ZFHX2: variants seen among roughly 807,000 people sequenced by gnomAD.
The protein encoded by ZFHX2 is zinc finger homeobox protein 2.
Under a neutral mutation model 164.8 loss-of-function variants are expected in ZFHX2, and 75 were observed. The ratio of observed to expected loss-of-function variants is 0.46; its 90% confidence interval spans 0.38 to 0.55. The LOEUF (loss-of-function observed/expected upper bound fraction) is 0.55, where lower values mean the gene tolerates loss of function less well. ZFHX2 is among the 20% of genes least tolerant of loss of function. The pLI is 0.00. For synonymous variants in ZFHX2, 1,217 were observed against 1,351.4 expected, an observed-to-expected ratio of 0.90 and a Z score of 2.18; for missense variants, 2,933 against 3,308.0, an observed-to-expected ratio of 0.89 and a Z score of 2.78.
chr14:23,535,006 G>T lies in ZFHX2; in HGVS notation c.320C>A (p.Pro107His), dbSNP rs951092891. 1 of 1,536,114 alleles carries T rather than the reference G, an allele frequency of 6.5e-7. No homozygotes were observed. The highest frequency in any genetic ancestry group is 1.2e-5 in the South Asian group (1 of 84,056). ...EQEEEEEGLP[P>H]MDLSNHLFFT... is the part of the protein sequence containing the mutation. ...GAATAAGTGGTTGCTTAGGTCCATG[G>T]GAGGGAGCCCTTCTTCTTCCTCCTC... The change falls in exon 2 of 10, where the codon CCC (proline) becomes CAC (histidine). Residue 107 changes from proline to histidine, a missense_variant. Pro to His is a moderately conservative substitution (Grantham distance 77). Transcript: ENST00000419474. The surrounding 1 kb of genome is among the most constrained non-coding windows in gnomAD (Gnocchi z 4.5).
intron 1 of ZFHX2, among the ~76,000 whole-genome samples, chr14:23,539,131 G>A (rs1880514995): frequency 6.6e-6 from 1 of 152,148 alleles, no homozygotes; most frequent in South Asian, 2.1e-4. Flanking sequence ...CTCCCCTAAT[G>A]CACTGTTTCG....
rs186430542 is a variant in ZFHX2, at chr14:23,533,377, G to A, written c.1949C>T (p.Pro650Leu). Residue 650 changes from proline to leucine, a missense_variant, in exon 2 of 10, where the codon CCG (proline) becomes CTG (leucine). Pro to Leu is a moderately conservative substitution (Grantham distance 98, BLOSUM62 -3). Transcript: ENST00000419474. The surrounding 1 kb of genome is among the most constrained non-coding windows in gnomAD (Gnocchi z 4.8). ...LGQPQTPLAG[P>L]GLRPDKPLEA... Reference sequence around the variant, plus strand: ...CAGGGGCTTGTCTGGCCTCAGCCCCGGGCCAGCCAAGGGAGTCTGAGGCTG... The same window carrying A: ...CAGGGGCTTGTCTGGCCTCAGCCCCAGGCCAGCCAAGGGAGTCTGAGGCTG... 532 of 1,456,844 alleles carry A rather than the reference G, an allele frequency of 3.7e-4. 2 individuals are homozygous for A. The highest frequency in any genetic ancestry group is 1.9e-3 in the Admixed American group (76 of 39,066). The allele number at this position is 1,456,844 out of a possible 1,614,324, so 90.2% of individuals were successfully genotyped here.
Position 23,524,753 on chromosome 14 carries a change from C to A in ZFHX2, c.5189G>T (p.Gly1730Val). 1 of 1,536,426 alleles carries A rather than the reference C, an allele frequency of 6.5e-7. No homozygotes were observed. Among genetic ancestry groups the A allele is most frequent in the Non-Finnish European group, 8.7e-7 (1 of 1,146,944 alleles). The change falls in exon 9 of 10, where the codon GGG (glycine) becomes GTG (valine). Residue 1730 changes from glycine to valine, a missense_variant. Coordinates refer to ENST00000419474, the MANE Select transcript of ZFHX2 (RefSeq NM_033400.3). The surrounding 1 kb of genome is among the most constrained non-coding windows in gnomAD (Gnocchi z 5.6). ...EEEQGLEPPA[G>V]PEGPLPEPPD... ...AGGCTCTGGTAATGGGCCCTCAGGC[C>A]CTGCTGGAGGTTCAAGGCCCTGTTC... is the stretch of plus-strand genomic sequence containing the variant.
In ZFHX2 at chr14:23,525,376, G is replaced by A; in HGVS notation, c.4566C>T (p.Ser1522=). The change falls in exon 9 of 10, where the codon AGC becomes AGT. Residue 1522 remains serine, a synonymous_variant. Coordinates refer to ENST00000419474, the MANE Select transcript of ZFHX2 (RefSeq NM_033400.3). The surrounding 1 kb of genome is among the most constrained non-coding windows in gnomAD (Gnocchi z 5.9). ...LSRYAAQFRK[S]YDSLYPPLAE... is the part of the protein sequence containing the mutation. The stretch of plus-strand genomic sequence containing the variant: ...CAAGGGGCGGGTATAGGCTGTCATA[G>A]CTCTTTCGAAACTGAGCAGCATAAC... 1 of 1,536,134 alleles carries A rather than the reference G, an allele frequency of 6.5e-7. No individual in the cohort carries two copies. Among genetic ancestry groups the A allele is most frequent in the Non-Finnish European group, 8.7e-7 (1 of 1,146,908 alleles).
In ZFHX2 at chr14:23,535,359, C is replaced by A; in HGVS notation, c.-34G>T. ...GAGGAGTGCTGGGGGCTCATGTCAG[C>A]GTGACAGCCAGTACCCTGTAGGGAG... is the stretch of plus-strand genomic sequence containing the variant. On this transcript the variant is annotated 5_prime_UTR_variant, in exon 2 of 10. Transcript: ENST00000419474. The surrounding 1 kb of genome is among the most constrained non-coding windows in gnomAD (Gnocchi z 4.5). 1.4e-6 allele frequency: 2 copies of A among 1,439,568 alleles called. No individual in the cohort carries two copies. The highest frequency in any genetic ancestry group is 1.8e-6 in the Non-Finnish European group (2 of 1,099,052). The allele number at this position is 1,439,568 out of a possible 1,614,324, so 89.2% of individuals were successfully genotyped here. A position where few individuals can be genotyped will look rare whatever the true frequency, so the allele number is the denominator to read the frequency against.
rs1448403794 is a variant in ZFHX2, at chr14:23,525,942, G to A, written c.4000C>T (p.Arg1334Ter). Reference protein sequence around the residue: ...SPPPPPLDLHRFPAPLFTPPV... With the variant: ...SPPPPPLDLH Reference sequence around the variant, plus strand: ...GGGGTGAAGAGAGGGGCTGGGAATCGGTGCAGGTCCAAGGGAGGTGGGGGA... The same window carrying A: ...GGGGTGAAGAGAGGGGCTGGGAATCAGTGCAGGTCCAAGGGAGGTGGGGGA... Residue 1334 changes from arginine to a stop codon, truncating the protein, a stop_gained, in exon 9 of 10, where the codon CGA (arginine) becomes TGA (stop). Transcript: ENST00000419474. LOFTEE classifies it high-confidence loss of function. This position sits in a 1 kb window ranked among gnomAD's most constrained non-coding sequence, Gnocchi z 5.9. The A allele has an allele frequency of 5.4e-6, 8 of 1,478,330 alleles. No homozygotes were observed. The highest frequency in any genetic ancestry group is 1.4e-5 in the South Asian group (1 of 73,604). 91.6% of individuals were successfully genotyped at this position (1,478,330 alleles called of 1,614,324 possible).
chr14:23,544,512 G>A (rs1302272124), intron 1 of ZFHX2, among the ~76,000 whole-genome samples: 1 of 152,208 alleles, frequency 6.6e-6, no homozygotes, highest in East Asian at 1.9e-4. Flanking sequence ...GGTTGGTGAA[G>A]GTGCTTGTTC....
At position 23,527,654 on chromosome 14, in the gene ZFHX2, T is replaced by A; in HGVS notation, c.3085A>T (p.Ser1029Cys). The A allele has an allele frequency of 6.5e-7, 1 of 1,536,422 alleles. No homozygotes were observed. Among genetic ancestry groups the A allele is most frequent in the Non-Finnish European group, 8.7e-7 (1 of 1,146,958 alleles). ...VGRPALHFHL[S>C]HLHNVVPECV... is the part of the protein sequence containing the mutation. ...TCGGGCACCACGTTGTGAAGGTGGC[T>A]AAGGTGGAAGTGCAGGGCAGGCCGG... The change falls in exon 7 of 10, where the codon AGC becomes TGC. Residue 1029 changes from serine (S) to cysteine (C), a missense_variant. By Grantham distance (112) the Ser-to-Cys change is moderately radical (BLOSUM62 -1). Coordinates refer to ENST00000419474, the MANE Select transcript of ZFHX2 (RefSeq NM_033400.3).
In ZFHX2 at chr14:23,525,902, G is replaced by T. The variant is rs558237937; in HGVS notation, c.4040C>A (p.Pro1347His). 5.5e-6 allele frequency: 8 copies of T among 1,461,554 alleles called. No individual in the cohort carries two copies. Among genetic ancestry groups the T allele is most frequent in the Non-Finnish European group, 7.2e-6 (8 of 1,111,456 alleles). 90.5% of individuals were successfully genotyped at this position (1,461,554 alleles called of 1,614,324 possible). ...CAGTGATTCGGGCACCAGAGGGAAGGGGGGCAGGACTGGTGGGGTGAAGAG... is the reference window on the plus strand; with the variant it reads ...CAGTGATTCGGGCACCAGAGGGAAGTGGGGCAGGACTGGTGGGGTGAAGAG... ...APLFTPPVLPPFPLVPESLLK... is the reference protein window; with the variant it reads ...APLFTPPVLPHFPLVPESLLK... Residue 1347 changes from proline (P) to histidine (H), a missense_variant, in exon 9 of 10, where the codon CCC (proline) becomes CAC (histidine). Coordinates refer to ENST00000419474, the MANE Select transcript of ZFHX2 (RefSeq NM_033400.3). This position sits in a 1 kb window ranked among gnomAD's most constrained non-coding sequence, Gnocchi z 5.9.
rs1361661911 is a variant in ZFHX2 at position 23,524,021 on chromosome 14, G to A, written c.5921C>T (p.Ala1974Val). Residue 1974 changes from alanine (A) to valine (V), a missense_variant, in exon 9 of 10, where the codon GCT becomes GTT. Coordinates refer to ENST00000419474, the MANE Select transcript of ZFHX2 (RefSeq NM_033400.3). The surrounding 1 kb of genome is among the most constrained non-coding windows in gnomAD (Gnocchi z 5.6). ...TGGTAGGAAAGGCTGGGGCCCAGAA[G>A]CAAGCGTGGCAGTGGGGTAGGGAAA... The part of the protein sequence containing the change: ...PAFPYPTATL[A>V]SGPQPFLPPG... 3 of 1,515,760 alleles carry A rather than the reference G, an allele frequency of 2.0e-6. No homozygotes were observed. The highest frequency in any genetic ancestry group is 2.6e-6 in the Non-Finnish European group (3 of 1,135,816). 93.9% of individuals were successfully genotyped at this position (1,515,760 alleles called of 1,614,324 possible). A position where few individuals can be genotyped will look rare whatever the true frequency, so the allele number is the denominator to read the frequency against.
rs201138934 is a variant in ZFHX2 at position 23,524,480 on chromosome 14, G to A, written c.5462C>T (p.Ala1821Val). 3 of 1,531,770 alleles carry A rather than the reference G, an allele frequency of 2.0e-6. No individual in the cohort carries two copies. The highest frequency in any genetic ancestry group is 3.9e-5 in the Admixed American group (2 of 50,758). 94.9% of individuals were successfully genotyped at this position (1,531,770 alleles called of 1,614,324 possible). The change falls in exon 9 of 10, where the codon GCC becomes GTC. Residue 1821 changes from alanine (A) to valine (V), a missense_variant. Transcript: ENST00000419474. This position sits in a 1 kb window ranked among gnomAD's most constrained non-coding sequence, Gnocchi z 5.6. Reference sequence around the variant, plus strand: ...AGGTGGACCTGGCATTGGTGAGGTGGCTGCCACCAGGGGGTTTCTCTCCCC... The same window carrying A: ...AGGTGGACCTGGCATTGGTGAGGTGACTGCCACCAGGGGGTTTCTCTCCCC... Reference protein sequence around the residue: ...VFGERNPLVAATSPMPGPPLK... With the variant: ...VFGERNPLVAVTSPMPGPPLK...
rs1399921941 is a variant in ZFHX2 at position 23,526,071 on chromosome 14, T to A, written c.3871A>T (p.Ser1291Cys). Residue 1291 changes from serine to cysteine, a missense_variant, in exon 9 of 10, where the codon AGC becomes TGC. Physicochemically the swap from Ser to Cys is moderately radical, Grantham distance 112. Transcript: ENST00000419474. ...TDSKIEGPER[S>C]QEEPKEGETE... Reference sequence around the variant, plus strand: ...TCGCCTTCCTTGGGCTCTTCTTGGCTGCGTTCTGGCCCTTCAATCTTGGAA... The same window carrying A: ...TCGCCTTCCTTGGGCTCTTCTTGGCAGCGTTCTGGCCCTTCAATCTTGGAA... 6.5e-7 allele frequency: 1 copy of A among 1,536,498 alleles called. No homozygotes were observed.
chr14:23,525,035 C>A lies in ZFHX2; in HGVS notation c.4907G>T (p.Ser1636Ile), dbSNP rs1396295413. 6.5e-7 allele frequency: 1 copy of A among 1,536,200 alleles called. No homozygotes were observed. The highest frequency in any genetic ancestry group is 2.0e-5 in the Admixed American group (1 of 51,010). ...CTGGAACCACACCACCACCACACGG[C>A]TAGCCAGACCCAACAGACTTGCGAG... ...ERLASLLGLA[S>I]RVVVVWFQNA... Residue 1636 changes from serine to isoleucine, a missense_variant, in exon 9 of 10, where the codon AGC becomes ATC. By Grantham distance (142) the Ser-to-Ile change is moderately radical. Coordinates refer to ENST00000419474, the MANE Select transcript of ZFHX2 (RefSeq NM_033400.3). The surrounding 1 kb of genome is among the most constrained non-coding windows in gnomAD (Gnocchi z 5.9).
Position 23,526,274 on chromosome 14 carries a change from G to A in ZFHX2, c.3668C>T (p.Ala1223Val). 1 of 1,536,334 alleles carries A rather than the reference G, an allele frequency of 6.5e-7. No individual in the cohort carries two copies. The highest frequency in any genetic ancestry group is 1.4e-5 in the African/African-American group (1 of 73,140). The change falls in exon 9 of 10, where the codon GCC becomes GTC. Residue 1223 changes from alanine to valine, a missense_variant. Physicochemically the swap from Ala to Val is moderately conservative, Grantham distance 64. Transcript: ENST00000419474. Reference protein sequence around the residue: ...VSHLHKMKKAAIDPSAPARGE... With the variant: ...VSHLHKMKKAVIDPSAPARGE... ...CCGTGCAGGGGCAGAGGGGTCAATG[G>A]CAGCCTTCTTCATCTTGTGAAGGTG...
rs1156731778 is a variant in ZFHX2, at chr14:23,546,064, A to G, written c.-50+5279T>C. On this transcript the variant is annotated intron_variant, in intron 1 of 9. Transcript: ENST00000419474. The surrounding 1 kb of genome is among the most constrained non-coding windows in gnomAD (Gnocchi z 4.7). ...TATGACTGGAGGAGGCACTAGGGAA[A>G]TGTGCATACATGAAGTTAAATTCCT... Among the ~76,000 whole-genome samples, 2 of 152,194 alleles carry G rather than the reference A, an allele frequency of 1.3e-5. No individual in the cohort carries two copies. The highest frequency in any genetic ancestry group is 2.4e-5 in the African/African-American group (1 of 41,446).
rs1368539487 is a variant in ZFHX2 at position 23,521,564 on chromosome 14, G to C, written c.*398C>G. On this transcript the variant is annotated 3_prime_UTR_variant, in exon 10 of 10. Transcript: ENST00000419474. Reference sequence around the variant, plus strand: ...TGGAACATCATGGGATAACGTGTGTGTGTGCATGTATGTGTATGCATTTAT... The same window carrying C: ...TGGAACATCATGGGATAACGTGTGTCTGTGCATGTATGTGTATGCATTTAT... 1 of 172,648 alleles carries C rather than the reference G, an allele frequency of 5.8e-6. No homozygotes were observed. The highest frequency in any genetic ancestry group is 1.2e-5 in the Non-Finnish European group (1 of 81,642). The allele number at this position is 172,648 out of a possible 1,614,324, so 10.7% of individuals were successfully genotyped here.
chr14:23,527,014 C>CA, intron 7 of ZFHX2, 41 bp from the exon 8 acceptor site: 2 of 1,468,660 alleles, frequency 1.4e-6, no homozygotes, highest in African/African-American at 2.8e-5. Context: ...CACCACCCCC[C>CA]ACTGCCCCTA....
At position 23,534,753 on chromosome 14, in the gene ZFHX2, A is replaced by G. The variant is rs1421375223; in HGVS notation, c.573T>C (p.Asp191=). Residue 191 remains aspartate (D), a synonymous_variant, in exon 2 of 10, where the codon GAT becomes GAC. Coordinates refer to ENST00000419474, the MANE Select transcript of ZFHX2 (RefSeq NM_033400.3). The surrounding 1 kb of genome is among the most constrained non-coding windows in gnomAD (Gnocchi z 4.5). ...AGGCAGCCGGAGATGGTGCTGAGGT[A>G]TCATGGGACAGAATTTGGTCAGAAG... ...FSSSDQILSH[D]TSAPSPAACE... 2.6e-6 allele frequency: 4 copies of G among 1,536,052 alleles called. No individual in the cohort carries two copies. In the East Asian group the frequency reaches 7.3e-5, roughly 28 times the overall value.
chr14:23,533,163 G>T lies in ZFHX2; in HGVS notation c.2042-79C>A. 1 of 1,450,426 alleles carries T rather than the reference G, an allele frequency of 6.9e-7. No individual in the cohort carries two copies. The highest frequency in any genetic ancestry group is 1.4e-5 in the South Asian group (1 of 70,068). The allele number at this position is 1,450,426 out of a possible 1,614,324, so 89.8% of individuals were successfully genotyped here. ...TCTCTATGTGGGGAGGTGGGTTAATGAGTAGGATAGTGCTCAGAGGGACTT... is the reference window on the plus strand; with the variant it reads ...TCTCTATGTGGGGAGGTGGGTTAATTAGTAGGATAGTGCTCAGAGGGACTT... On this transcript the variant is annotated intron_variant, in intron 2 of 9. Transcript: ENST00000419474. The surrounding 1 kb of genome is among the most constrained non-coding windows in gnomAD (Gnocchi z 4.8).
Sources: allele counts gnomAD v4.1 joint callset (sites outside exome capture counted in the v4.1 genomes callset), GRCh38; gene constraint gnomAD v4.1.1; non-coding constraint Gnocchi (gnomAD v3.1); transcripts MANE v1.5; gene names NCBI Gene and HGNC (gene_info 2026-07-23, HGNC 2026-07-21).